The following LRRTM4 variants were observed in gnomAD, a reference collection of about 807,000 sequenced individuals.
LRRTM4 encodes the protein leucine-rich repeat transmembrane neuronal protein 4.
A neutral mutation model predicts 47.6 loss-of-function variants in LRRTM4; 25 were observed. That is an observed-to-expected ratio of 0.53 (90% CI 0.38 to 0.73). LRRTM4 has a LOEUF of 0.73. Ranked by LOEUF, LRRTM4 falls within the 30% of genes least tolerant of loss-of-function variation. The pLI, the probability that LRRTM4 is intolerant of heterozygous loss-of-function variation, is 0.00. For missense variants in LRRTM4, 638 were observed against 713.4 expected (o/e 0.89, Z 1.20); for synonymous variants, 311 against 269.5 (o/e 1.15, Z -1.51).
At chr2:76,943,846 G>C (rs1420691526) in intron 3 of LRRTM4, among the ~76,000 whole-genome samples, 1 of 152,030 alleles carries the variant, frequency 6.6e-6, no homozygotes, top group Non-Finnish European at 1.5e-5. Context: ...TTCTTTGTTT[G>C]CACCCAGTTC....
At chr2:76,939,398 A>T (rs1353398131) in intron 3 of LRRTM4, among the ~76,000 whole-genome samples, 2 of 152,186 alleles carry the variant, frequency 1.3e-5, no homozygotes, top group African/African-American at 2.4e-5. Context: ...AAAAAGTAGT[A>T]AAAGCATGTC....
intron 3 of LRRTM4, among the ~76,000 whole-genome samples, chr2:77,470,016 T>C (rs764749122): frequency 6.6e-6 from 1 of 152,118 alleles, no homozygotes; most frequent in Non-Finnish European, 1.5e-5. Context: ...TAAACTACTT[T>C]GAAAGGCATG....
intron 3 of LRRTM4, among the ~76,000 whole-genome samples, chr2:76,775,143 T>C (rs1202979179): frequency 6.6e-6 from 1 of 152,194 alleles, no homozygotes; most frequent in East Asian, 1.9e-4. Flanking sequence ...TATGAATTCA[T>C]TCACAACATT....
At chr2:77,070,099 G>A (rs191916095) in intron 3 of LRRTM4, among the ~76,000 whole-genome samples, 24 of 152,102 alleles carry the variant, frequency 1.6e-4, no homozygotes, top group East Asian at 3.9e-4. Context: ...GAGCTATCGC[G>A]TGCTTCTGCT....
intron 3 of LRRTM4, among the ~76,000 whole-genome samples, chr2:76,996,517 T>A (rs1403465749): frequency 6.6e-6 from 1 of 151,018 alleles, no homozygotes; most frequent in African/African-American, 2.4e-5. Flanking sequence ...TTGTATAAGA[T>A]CAAGTAAAAT....
rs1378936075 is a variant in LRRTM4, at chr2:76,905,588, A to G, written c.1552-156672T>C. ...AATTCAAACCAAAGGCAAAGAAGTTAAAAACTTTGAAAAAAATTTAGACGA... is the reference window on the plus strand; with the variant it reads ...AATTCAAACCAAAGGCAAAGAAGTTGAAAACTTTGAAAAAAATTTAGACGA... On this transcript the variant is annotated intron_variant, in intron 3 of 3. Coordinates refer to ENST00000409884, the MANE Select transcript of LRRTM4 (RefSeq NM_001134745.3). Among the ~76,000 whole-genome samples the G allele has an allele frequency of 6.6e-5, 10 of 151,476 alleles. No individual in the cohort carries two copies. In the East Asian group the frequency reaches 7.9e-4, roughly 12 times the overall value.
At chr2:77,147,783 T>G (rs575692741) in intron 3 of LRRTM4, among the ~76,000 whole-genome samples, 4 of 152,298 alleles carry the variant, frequency 2.6e-5, no homozygotes, top group African/African-American at 7.2e-5. Flanking sequence ...TGATATGAAT[T>G]GGGCTAATTG....
At chr2:76,994,272 T>G (rs1343005236) in intron 3 of LRRTM4, among the ~76,000 whole-genome samples, 3 of 151,614 alleles carry the variant, frequency 2.0e-5, no homozygotes, top group Non-Finnish European at 2.9e-5. Flanking sequence ...AAGCAGAAGT[T>G]GAAATTATTT....
intron 3 of LRRTM4, among the ~76,000 whole-genome samples, chr2:76,959,854 A>G (rs1436138206): frequency 1.3e-5 from 2 of 151,636 alleles, no homozygotes; most frequent in Admixed American, 6.6e-5. Context: ...GTGCATTATG[A>G]TTTAAAAACT....
intron 3 of LRRTM4, among the ~76,000 whole-genome samples, chr2:77,354,025 C>G (rs182789731): frequency 6.6e-6 from 1 of 152,178 alleles, no homozygotes; most frequent in Non-Finnish European, 1.5e-5. Context: ...CATATTTATA[C>G]CCACTTTTAA....
At chr2:76,791,788 C>G (rs72815433) in intron 3 of LRRTM4, among the ~76,000 whole-genome samples, 13,292 of 152,190 alleles carry the variant, frequency 0.087, 1,021 homozygotes, top group East Asian at 0.2. Flanking sequence ...CAGAGGTATA[C>G]TTACTTATTT....
intron 3 of LRRTM4, among the ~76,000 whole-genome samples, chr2:76,816,846 T>G (rs144333924): frequency 0.41 from 54,131 of 132,046 alleles, 12,189 homozygotes; most frequent in East Asian, 0.59. Context: ...TTTTTTTTTT[T>G]TTTTTTTTTT....
chr2:77,001,052 T>C (rs1677406899), intron 3 of LRRTM4, among the ~76,000 whole-genome samples: 1 of 152,164 alleles, frequency 6.6e-6, no homozygotes, highest in Non-Finnish European at 1.5e-5. Flanking sequence ...GCCCAAAGGA[T>C]ACAAAAATGT....
intron 3 of LRRTM4, among the ~76,000 whole-genome samples, chr2:77,243,169 T>G (rs1322574118): frequency 6.6e-6 from 1 of 152,030 alleles, no homozygotes; most frequent in Non-Finnish European, 1.5e-5. Flanking sequence ...TCCCAGCACT[T>G]TGGGAGGCCG....
At chr2:77,293,553 G>A (rs962504376) in intron 3 of LRRTM4, among the ~76,000 whole-genome samples, 2 of 152,066 alleles carry the variant, frequency 1.3e-5, no homozygotes, top group East Asian at 1.9e-4. Flanking sequence ...ATAAGCTAAA[G>A]TCTAAGCTCA....
chr2:76,936,460 T>C (rs1012928940), intron 3 of LRRTM4, among the ~76,000 whole-genome samples: 8 of 151,276 alleles, frequency 5.3e-5, no homozygotes, highest in African/African-American at 1.9e-4. Context: ...AGGGGAGGGA[T>C]AGCATTAGGA....
chr2:76,962,707 A>C (rs998796939), intron 3 of LRRTM4, among the ~76,000 whole-genome samples: 1 of 150,768 alleles, frequency 6.6e-6, no homozygotes, highest in Admixed American at 6.6e-5. Context: ...ATTAAATAAA[A>C]TACTGTTTTA....
chr2:76,790,134 A>G (rs1674896244), intron 3 of LRRTM4, among the ~76,000 whole-genome samples: 1 of 152,194 alleles, frequency 6.6e-6, no homozygotes, highest in Non-Finnish European at 1.5e-5. Flanking sequence ...GAATTACCAA[A>G]GCAGTTTTTC....
chr2:77,156,725 T>TTTA (rs746234349), intron 3 of LRRTM4, among the ~76,000 whole-genome samples: 1 of 150,460 alleles, frequency 6.6e-6, no homozygotes. Context: ...TTTTTTTTTT[T>TTTA]GAGACAAGGT....
Sources: gnomAD v4.1 joint callset for allele counts (sites outside exome capture counted in the v4.1 genomes callset) on GRCh38, gnomAD v4.1.1 for gene constraint, MANE v1.5 for transcripts, NCBI Gene and HGNC (gene_info 2026-07-23, HGNC 2026-07-21) for gene names.